The following HEPHL1 variants were observed in gnomAD, a reference collection of about 807,000 sequenced individuals.
HEPHL1 encodes ferroxidase HEPHL1.
A neutral mutation model predicts 122.0 loss-of-function variants in HEPHL1; 123 were observed. The observed-to-expected ratio is 1.01, with a 90% CI of 0.87 to 1.17. HEPHL1 has a LOEUF of 1.17. HEPHL1 is among the 50% of genes most tolerant of loss of function. HEPHL1 has a pLI of 0.00. For missense variants in HEPHL1, 1,452 were observed against 1,430.5 expected (o/e 1.01, Z -0.24); for synonymous variants, 527 against 508.9 (o/e 1.04, Z -0.48).
At position 94,045,785 on chromosome 11, in the gene HEPHL1, C is replaced by T; in HGVS notation, c.283C>T (p.Pro95Ser). The change falls in exon 2 of 20, where the codon CCC becomes TCC. Residue 95 changes from proline to serine, a missense_variant. Transcript: ENST00000315765. ...GTYSIEIPKP[P>S]WLGFLGPILR... ...CTACTCCATAGAGATCCCCAAACCT[C>T]CCTGGCTTGGATTCCTGGGCCCCAT... 1.2e-6 allele frequency: 2 copies of T among 1,613,962 alleles called. No homozygotes were observed. Among genetic ancestry groups the T allele is most frequent in the Non-Finnish European group, 1.7e-6 (2 of 1,179,878 alleles).
intron 1 of HEPHL1, among the ~76,000 whole-genome samples, chr11:94,037,163 G>C (rs1022642049): frequency 1.3e-5 from 2 of 152,172 alleles, no homozygotes; most frequent in African/African-American, 4.8e-5. Flanking sequence ...TTTCAGACCG[G>C]CTTAAAAAAC....
At chr11:94,030,757 A>G (rs1945667427) in intron 1 of HEPHL1, among the ~76,000 whole-genome samples, 1 of 152,216 alleles carries the variant, frequency 6.6e-6, no homozygotes, top group Non-Finnish European at 1.5e-5. Flanking sequence ...CAACTTTTAT[A>G]TCCCATTCTC....
chr11:94,045,980 A>G, intron 2 of HEPHL1, 63 bp downstream of exon 2: 1 of 1,479,474 alleles, frequency 6.8e-7, no homozygotes, highest in Non-Finnish European at 9.2e-7. Context: ...TAACTGTCAG[A>G]GTTAAAGAGA....
chr11:94,044,476 C>T (rs1317453921), intron 1 of HEPHL1, among the ~76,000 whole-genome samples: 1 of 152,164 alleles, frequency 6.6e-6, no homozygotes, highest in African/African-American at 2.4e-5. Context: ...CTCAGTGAGT[C>T]TCAGTGCTTC....
chr11:94,042,884 A>AAAACAAAAAACAAAC (rs1003301266), intron 1 of HEPHL1, among the ~76,000 whole-genome samples: 7 of 31,136 alleles, frequency 2.2e-4, no homozygotes, highest in African/African-American at 6.8e-4. Flanking sequence ...ATAAAAAAAA[A>AAAACAAAAAACAAAC]AAAAAAAAAC....
At chr11:94,095,047 GT>G (rs1348120977) in intron 13 of HEPHL1, among the ~76,000 whole-genome samples, 1 of 152,170 alleles carries the variant, frequency 6.6e-6, no homozygotes, top group African/African-American at 2.4e-5. Context: ...TGCTTTTGGT[GT>G]TTTAGACATG....
Position 94,073,119 on chromosome 11 carries a change from A to G in HEPHL1, c.1327A>G (p.Lys443Glu), listed in dbSNP as rs767509288. Residue 443 changes from lysine (K) to glutamate (E), a missense_variant, in exon 7 of 20, where the codon AAA becomes GAA. Transcript: ENST00000315765. ...YTEFVDATFTKRKRLSAEEAH... is the reference protein window; with the variant it reads ...YTEFVDATFTERKRLSAEEAH... ...TGAATTTGTTGATGCAACTTTTACT[A>G]AAAGAAAGAGACTCTCTGCTGAAGA... is the stretch of plus-strand genomic sequence containing the variant. 8 of 1,613,210 alleles carry G rather than the reference A, an allele frequency of 5.0e-6. No individual in the cohort carries two copies. Among genetic ancestry groups the G allele is most frequent in the Non-Finnish European group, 6.8e-6 (8 of 1,179,456 alleles).
intron 2 of HEPHL1, among the ~76,000 whole-genome samples, chr11:94,046,500 G>A (rs1303473677): frequency 1.3e-5 from 2 of 148,184 alleles, no homozygotes; most frequent in East Asian, 3.9e-4. Flanking sequence ...CACGCACCAG[G>A]AACACACTAG....
chr11:94,078,922 G>C (rs1946147885), intron 9 of HEPHL1, among the ~76,000 whole-genome samples: 1 of 152,142 alleles, frequency 6.6e-6, no homozygotes, highest in Non-Finnish European at 1.5e-5. Context: ...GCCCAGTTAA[G>C]TTATTCATAA....
chr11:94,045,056 AC>A (rs1945821522), intron 1 of HEPHL1, among the ~76,000 whole-genome samples: 1 of 152,082 alleles, frequency 6.6e-6, no homozygotes, highest in African/African-American at 2.4e-5. Context: ...CAGGCGGCCC[AC>A]CACCATGCTC....
intron 1 of HEPHL1, among the ~76,000 whole-genome samples, chr11:94,024,620 C>T (rs531034438): frequency 6.6e-6 from 1 of 152,258 alleles, no homozygotes; most frequent in South Asian, 2.1e-4. Context: ...CAATTCCTCA[C>T]TTCATACATG....
intron 9 of HEPHL1, among the ~76,000 whole-genome samples, chr11:94,080,611 T>G (rs1946163029): frequency 6.6e-6 from 1 of 150,874 alleles, no homozygotes; most frequent in Non-Finnish European, 1.5e-5. Context: ...GAAGAAAAAC[T>G]CATTAAAAAG....
At chr11:94,080,190 T>C (rs1020969739) in intron 9 of HEPHL1, among the ~76,000 whole-genome samples, 4 of 152,140 alleles carry the variant, frequency 2.6e-5, no homozygotes, top group African/African-American at 4.8e-5. Context: ...AAACAAACAG[T>C]GGGGAAAGGA....
In HEPHL1 at chr11:94,035,487, C is replaced by CT. The variant is rs1162552220; in HGVS notation, c.171-10179dup. ...CCTGTGGGATCTTCTGGGAGAGTTC[C>CT]TTTTTTTAAAAAATCTTTTATTATA... On this transcript the variant is annotated intron_variant, in intron 1 of 19. Transcript: ENST00000315765. 2.6e-5 allele frequency among the ~76,000 whole-genome samples: 4 copies of CT among 152,118 alleles called. No individual in the cohort carries two copies. In the East Asian group the frequency reaches 5.8e-4, roughly 22 times the overall value.
At chr11:94,079,890 AT>A (rs1565356813) in intron 9 of HEPHL1, among the ~76,000 whole-genome samples, 1 of 152,164 alleles carries the variant, frequency 6.6e-6, no homozygotes. Flanking sequence ...ACAGGAAAGC[AT>A]TGAGGGATAG....
intron 4 of HEPHL1, among the ~76,000 whole-genome samples, chr11:94,064,868 G>A (rs1013972061): frequency 1.3e-5 from 2 of 152,160 alleles, no homozygotes; most frequent in Admixed American, 6.5e-5. Context: ...TGAAATCATC[G>A]TTCTATAATA....
At chr11:94,104,020 C>T (rs890667010) in intron 15 of HEPHL1, among the ~76,000 whole-genome samples, 1 of 152,200 alleles carries the variant, frequency 6.6e-6, no homozygotes, top group African/African-American at 2.4e-5. Context: ...AATATGTCCA[C>T]ACTTGTAACT....
chr11:94,104,714 C>G lies in HEPHL1; in HGVS notation c.2869C>G (p.Arg957Gly). 1 of 1,613,540 alleles carries G rather than the reference C, an allele frequency of 6.2e-7. No homozygotes were observed. The highest frequency in any genetic ancestry group is 1.3e-5 in the African/African-American group (1 of 75,012). ...CAACAAAGATCCACGAGATTTTAAG[C>G]GCACTGATGATTTTGAGGAAAGCAA... ...YLNKDPRDFK[R>G]TDDFEESNRM... Residue 957 changes from arginine (R) to glycine (G), a missense_variant, in exon 16 of 20, where the codon CGC becomes GGC. Arg to Gly is a moderately radical substitution (Grantham distance 125). Coordinates refer to ENST00000315765, the MANE Select transcript of HEPHL1 (RefSeq NM_001098672.2).
intron 9 of HEPHL1, among the ~76,000 whole-genome samples, chr11:94,078,446 C>CATGTATATATATATAT (rs1946143467): frequency 9.0e-6 from 1 of 111,480 alleles, no homozygotes; most frequent in Non-Finnish European, 1.8e-5. Flanking sequence ...TCAGATGTTC[C>CATGTATATATATATAT]ATATATATAT....
Sources: allele counts gnomAD v4.1 joint callset (sites outside exome capture counted in the v4.1 genomes callset), GRCh38; gene constraint gnomAD v4.1.1; transcripts MANE v1.5; gene names NCBI Gene and HGNC (gene_info 2026-07-23, HGNC 2026-07-21).